ARL13B: variants seen among roughly 807,000 people sequenced by gnomAD.
ARL13B encodes the protein ADP-ribosylation factor-like protein 13B.
A neutral mutation model predicts 56.1 loss-of-function variants in ARL13B; 36 were observed. The observed-to-expected ratio is 0.64, with a 90% CI of 0.49 to 0.85. ARL13B has a LOEUF of 0.85. Ranked by LOEUF, ARL13B falls within the 40% of genes least tolerant of loss-of-function variation. The pLI, the probability that ARL13B is intolerant of heterozygous loss-of-function variation, is 0.00. For synonymous variants in ARL13B, 178 were observed against 171.1 expected, an observed-to-expected ratio of 1.04 and a Z score of -0.32; for missense variants, 519 against 507.1, an observed-to-expected ratio of 1.02 and a Z score of -0.23.
intron 7 of ARL13B, among the ~76,000 whole-genome samples, chr3:94,043,785 G>A (rs1294484693): frequency 7.0e-6 from 1 of 142,358 alleles, no homozygotes; most frequent in Non-Finnish European, 1.5e-5. Flanking sequence ...AGCCTGCCGA[G>A]TGCCTGGGAT....
intron 1 of ARL13B, among the ~76,000 whole-genome samples, chr3:93,990,390 C>CATATATATATATATATAT (rs529958064): frequency 2.0e-5 from 3 of 151,016 alleles, no homozygotes; most frequent in African/African-American, 7.3e-5. Flanking sequence ...GGAATATTTG[C>CATATATATATATATATAT]ATATATATAT....
intron 2 of ARL13B, among the ~76,000 whole-genome samples, chr3:93,997,050 A>G (rs2075979750): frequency 6.6e-6 from 1 of 151,646 alleles, no homozygotes. Context: ...ATGCCTAATG[A>G]TCTGTCACTG....
chr3:94,010,828 T>C (rs2107467360), intron 3 of ARL13B, among the ~76,000 whole-genome samples: 1 of 152,206 alleles, frequency 6.6e-6, no homozygotes, highest in Admixed American at 6.5e-5. Context: ...TTCATCTGGA[T>C]ATAATTGTAC....
In ARL13B at chr3:94,049,482, T is replaced by C. The variant is rs1266338841; in HGVS notation, c.1101T>C (p.Cys367=). Residue 367 remains cysteine, a synonymous_variant, in exon 8 of 10, where the codon TGT becomes TGC. Transcript: ENST00000394222. ...TAGAACCACTTAATATAGATGACTG[T>C]GCTCCTGAGAGTCCAACGCCACCCC... ...HRVEPLNIDD[C]APESPTPPPP... 6.2e-7 allele frequency: 1 copy of C among 1,611,786 alleles called. No individual in the cohort carries two copies. The highest frequency in any genetic ancestry group is 8.5e-7 in the Non-Finnish European group (1 of 1,179,174).
At chr3:94,039,658 G>A (rs2076829346) in intron 5 of ARL13B, among the ~76,000 whole-genome samples, 1 of 152,150 alleles carries the variant, frequency 6.6e-6, no homozygotes, top group Non-Finnish European at 1.5e-5. Flanking sequence ...CATAGGAAAT[G>A]TCATTTTTAT....
chr3:94,029,332 A>ATATATT (rs2076624442), intron 3 of ARL13B, among the ~76,000 whole-genome samples: 11 of 72,374 alleles, frequency 1.5e-4, no homozygotes, highest in Non-Finnish European at 2.6e-4. Context: ...ATATATATAT[A>ATATATT]TATTTATTTT....
At chr3:93,989,464 T>A (rs1254725117) in intron 1 of ARL13B, among the ~76,000 whole-genome samples, 1 of 152,116 alleles carries the variant, frequency 6.6e-6, no homozygotes, top group Non-Finnish European at 1.5e-5. Context: ...ATCCTCGGCA[T>A]GGCAGGCTTC....
intron 1 of ARL13B, among the ~76,000 whole-genome samples, chr3:93,984,424 A>C (rs1018460423): frequency 1.3e-5 from 2 of 152,122 alleles, no homozygotes; most frequent in African/African-American, 4.8e-5. Context: ...GGATCATCAT[A>C]AAAGTCTCCA....
chr3:94,046,169 AT>A (rs2076980815), intron 7 of ARL13B, among the ~76,000 whole-genome samples: 1 of 151,814 alleles, frequency 6.6e-6, no homozygotes, highest in Non-Finnish European at 1.5e-5. Flanking sequence ...AGATTGATAC[AT>A]TTTGATATAT....
intron 3 of ARL13B, among the ~76,000 whole-genome samples, chr3:94,013,193 A>G (rs2076255622): frequency 6.6e-6 from 1 of 152,134 alleles, no homozygotes; most frequent in Non-Finnish European, 1.5e-5. Context: ...TCTTCAAGTA[A>G]ATTTCACCTT....
At chr3:93,982,076 G>A (rs1710250075) in intron 1 of ARL13B, among the ~76,000 whole-genome samples, 1 of 152,044 alleles carries the variant, frequency 6.6e-6, no homozygotes, top group African/African-American at 2.4e-5. Flanking sequence ...TATAACTTAC[G>A]TTCTTTTAAC....
chr3:93,991,647 A>C (rs2075876670), intron 1 of ARL13B, among the ~76,000 whole-genome samples: 1 of 152,232 alleles, frequency 6.6e-6, no homozygotes, highest in Non-Finnish European at 1.5e-5. Context: ...CTGGGACTAC[A>C]GGTGTGAGCC....
intron 7 of ARL13B, among the ~76,000 whole-genome samples, chr3:94,045,856 C>A (rs2076972716): frequency 6.9e-6 from 1 of 144,896 alleles, no homozygotes; most frequent in Non-Finnish European, 1.5e-5. Context: ...GAGGCTGAGG[C>A]AGGAAAATGG....
At chr3:94,043,357 C>T in intron 7 of ARL13B, 117 bp downstream of exon 7, 1 of 920,226 alleles carries the variant, frequency 1.1e-6, no homozygotes, top group Non-Finnish European at 1.6e-6. Flanking sequence ...TTTCTGTCTT[C>T]AAATGCCATA....
chr3:93,999,768 A>G (rs984526187), intron 2 of ARL13B, among the ~76,000 whole-genome samples: 1 of 152,146 alleles, frequency 6.6e-6, no homozygotes, highest in African/African-American at 2.4e-5. Flanking sequence ...GTTGTCAGTA[A>G]TTGCATTAGT....
chr3:94,047,075 G>A (rs2076995938), intron 7 of ARL13B, among the ~76,000 whole-genome samples: 1 of 152,124 alleles, frequency 6.6e-6, no homozygotes, highest in African/African-American at 2.4e-5. Context: ...AAGATTTTTA[G>A]GGTTACTTAG....
rs35783437 is a variant in ARL13B, at chr3:94,021,199, T to TAA, written c.381-14131_381-14130dup. ...TAATATTATTATATATATATATATA[T>TAA]AATTTTTTTTTTGAGACAGGGTCTC... is the stretch of plus-strand genomic sequence containing the variant. On this transcript the variant is annotated intron_variant, in intron 3 of 9. Transcript: ENST00000394222. Among the ~76,000 whole-genome samples the TAA allele has an allele frequency of 2.7e-5, 4 of 148,852 alleles. No individual in the cohort carries two copies. The East Asian group carries it at 5.8e-4, about 22-fold the overall frequency.
At chr3:94,023,717 A>T (rs1285145907) in intron 3 of ARL13B, among the ~76,000 whole-genome samples, 2 of 152,084 alleles carry the variant, frequency 1.3e-5, no homozygotes, top group African/African-American at 4.8e-5. Flanking sequence ...TTTTTCCCCT[A>T]TTGTCTATTG....
At chr3:94,006,564 A>G (rs1303540125) in intron 3 of ARL13B, among the ~76,000 whole-genome samples, 7 of 152,072 alleles carry the variant, frequency 4.6e-5, no homozygotes, top group Non-Finnish European at 7.3e-5. Context: ...ACCAGTCTCT[A>G]ACTGCCAGTC....
Sources: gnomAD v4.1 joint callset for allele counts (sites outside exome capture counted in the v4.1 genomes callset) on GRCh38, gnomAD v4.1.1 for gene constraint, MANE v1.5 for transcripts, NCBI Gene and HGNC (gene_info 2026-07-23, HGNC 2026-07-21) for gene names.